The following PCDHGA6 variants were observed in gnomAD, a reference collection of about 807,000 sequenced individuals.
The protein encoded by PCDHGA6 is protocadherin gamma subfamily A, 6, also known as protocadherin gamma-A6.
In PCDHGA6, 41 loss-of-function variants were observed where a neutral mutation model predicts 60.6. The ratio of observed to expected loss-of-function variants is 0.68; its 90% confidence interval spans 0.53 to 0.88. PCDHGA6 has a LOEUF of 0.88. Among genes scored for constraint, PCDHGA6 ranks in the 40% least tolerant of loss-of-function variants. PCDHGA6 has a pLI of 0.00. For synonymous variants in PCDHGA6, 594 were observed against 524.4 expected, an observed-to-expected ratio of 1.13 and a Z score of -1.81; for missense variants, 1,312 against 1,203.0, an observed-to-expected ratio of 1.09 and a Z score of -1.34.
chr5:141,492,740 C>T (rs1364102818), intron 1 of PCDHGA6, among the ~76,000 whole-genome samples: 1 of 152,238 alleles, frequency 6.6e-6, no homozygotes, highest in African/African-American at 2.4e-5. Context: ...GCCCAGTGGC[C>T]GAGGCGCGGC....
intron 1 of PCDHGA6, among the ~76,000 whole-genome samples, chr5:141,464,715 T>C (rs1013508667): frequency 2.0e-5 from 3 of 152,090 alleles, no homozygotes; most frequent in Admixed American, 2.0e-4. Flanking sequence ...AAATAGTTTT[T>C]CATATGTTTA....
Position 141,410,300 on chromosome 5 carries a change from T to A in PCDHGA6, c.2424+33793T>A, listed in dbSNP as rs1233506038. 4 of 1,614,022 alleles carry A rather than the reference T, an allele frequency of 2.5e-6. No individual in the cohort carries two copies. In the Admixed American group the frequency reaches 6.7e-5, roughly 27 times the overall value. ...CCTGGTGGTGGCCTTGGCCTTAATC[T>A]CAGTGCTCTTCCTCCTCGCCGTGAT... On this transcript the variant is annotated intron_variant, in intron 1 of 3. Coordinates refer to ENST00000517434, the MANE Select transcript of PCDHGA6 (RefSeq NM_018919.3).
In PCDHGA6 at chr5:141,489,068, G is replaced by GGC; in HGVS notation, c.2425-5739_2425-5738insGC. 1 of 291,558 alleles carries GGC rather than the reference G, an allele frequency of 3.4e-6. No individual in the cohort carries two copies. The allele number at this position is 291,558 out of a possible 1,614,324, so 18.1% of individuals were successfully genotyped here. ...CTCAAATTCAGCTCCCCTCCCCCCT[G>GGC]CCCACCCCCGCCACTCGGTGACTAA... On this transcript the variant is annotated intron_variant, in intron 1 of 3. Transcript: ENST00000517434. The surrounding 1 kb of genome is among the most constrained non-coding windows in gnomAD (Gnocchi z 4.5).
intron 1 of PCDHGA6, chr5:141,478,906 C>T: frequency 1.1e-6 from 1 of 906,534 alleles, no homozygotes; most frequent in Non-Finnish European, 1.6e-6. Context: ...GAATAAGCTG[C>T]TGGATACCTC....
At chr5:141,395,277 A>G (rs758440707) in intron 1 of PCDHGA6, 2 of 1,542,838 alleles carry the variant, frequency 1.3e-6, no homozygotes, top group East Asian at 2.3e-5. Flanking sequence ...TTCCAGATGA[A>G]TTTTATTTGG....
In PCDHGA6 at chr5:141,431,775, A is replaced by T; in HGVS notation, c.2424+55268A>T. 6.2e-7 allele frequency: 1 copy of T among 1,614,204 alleles called. No homozygotes were observed. Among genetic ancestry groups the T allele is most frequent in the Non-Finnish European group, 8.5e-7 (1 of 1,180,024 alleles). ...GCCAAAGTCCTGATCACTGTTCTGG[A>T]CGTGAACGACAATGCCCCAGAAGTG... On this transcript the variant is annotated intron_variant, in intron 1 of 3. Transcript: ENST00000517434. This position sits in a 1 kb window ranked among gnomAD's most constrained non-coding sequence, Gnocchi z 4.8.
In PCDHGA6 at chr5:141,491,638, G is replaced by A. The variant is rs2099723160; in HGVS notation, c.2425-3169G>A. The A allele has an allele frequency of 6.2e-7, 1 of 1,613,898 alleles. No individual in the cohort carries two copies. The highest frequency in any genetic ancestry group is 1.3e-5 in the African/African-American group (1 of 75,074). ...ACCCCTCAGCGTTCAGCAGCCCACA[G>A]CTCTGGCGCTGGAGCCTGACGCCAT... On this transcript the variant is annotated intron_variant, in intron 1 of 3. Coordinates refer to ENST00000517434, the MANE Select transcript of PCDHGA6 (RefSeq NM_018919.3). The surrounding 1 kb of genome is among the most constrained non-coding windows in gnomAD (Gnocchi z 6.9).
chr5:141,451,165 A>G (rs2098709571), intron 1 of PCDHGA6, among the ~76,000 whole-genome samples: 1 of 152,116 alleles, frequency 6.6e-6, no homozygotes, highest in Admixed American at 6.6e-5. Context: ...TTTTGGTAGT[A>G]TATTATTTAG....
chr5:141,420,337 A>G, intron 1 of PCDHGA6: 8 of 1,402,708 alleles, frequency 5.7e-6, no homozygotes, highest in Non-Finnish European at 7.6e-6. Flanking sequence ...ATTCCAATAT[A>G]GTGGTATTAT....
chr5:141,497,211 G>T (rs914346878), intron 2 of PCDHGA6, among the ~76,000 whole-genome samples: 12 of 28,538 alleles, frequency 4.2e-4, no homozygotes, highest in African/African-American at 1.1e-3. Context: ...GAGTGTAATG[G>T]GGGGGGGAAG....
intron 1 of PCDHGA6, chr5:141,433,041 C>G (rs1171788078): frequency 6.2e-7 from 1 of 1,614,036 alleles, no homozygotes; most frequent in Non-Finnish European, 8.5e-7. Flanking sequence ...TCCCTCACCA[C>G]GGACTCGCGG....
rs2099706000 is a variant in PCDHGA6 at position 141,490,911 on chromosome 5, G to A, written c.2425-3896G>A. 1 of 1,613,722 alleles carries A rather than the reference G, an allele frequency of 6.2e-7. No individual in the cohort carries two copies. Among genetic ancestry groups the A allele is most frequent in the Non-Finnish European group, 8.5e-7 (1 of 1,179,746 alleles). Reference sequence around the variant, plus strand: ...CTCTGCATGTGTTTGTCCTAGACGAGAATGATAATGCCCCAGCTGTGCTGC... The same window carrying A: ...CTCTGCATGTGTTTGTCCTAGACGAAAATGATAATGCCCCAGCTGTGCTGC... On this transcript the variant is annotated intron_variant, in intron 1 of 3. Coordinates refer to ENST00000517434, the MANE Select transcript of PCDHGA6 (RefSeq NM_018919.3). This position sits in a 1 kb window ranked among gnomAD's most constrained non-coding sequence, Gnocchi z 5.4.
At chr5:141,420,064 C>T (rs1204112062) in intron 1 of PCDHGA6, 1 of 1,614,052 alleles carries the variant, frequency 6.2e-7, no homozygotes, top group Non-Finnish European at 8.5e-7. Context: ...GCTCCAAGTC[C>T]GGACCTGTGG....
intron 1 of PCDHGA6, chr5:141,385,702 C>A: frequency 3.6e-6 from 1 of 278,020 alleles, no homozygotes; most frequent in Non-Finnish European, 5.7e-6. Context: ...TTCTCTTTAG[C>A]ATTCAAATAT....
intron 2 of PCDHGA6, among the ~76,000 whole-genome samples, chr5:141,501,159 C>G (rs1475164887): frequency 6.6e-6 from 1 of 152,096 alleles, no homozygotes; most frequent in East Asian, 1.9e-4. Context: ...GAGCCACCAT[C>G]CCCAGCCTCA....
chr5:141,403,613 C>T lies in PCDHGA6; in HGVS notation c.2424+27106C>T, dbSNP rs769394271. On this transcript the variant is annotated intron_variant, in intron 1 of 3. Transcript: ENST00000517434. ...CACGGCCTCGGATGGCGGCGAGCCG[C>T]GTCGCTCCAGCACAGTGCGCATCCA... The T allele has an allele frequency of 3.5e-5, 56 of 1,613,778 alleles. No homozygotes were observed. Among genetic ancestry groups the T allele is most frequent in the Non-Finnish European group, 4.7e-5 (55 of 1,179,908 alleles).
intron 1 of PCDHGA6, chr5:141,398,690 G>A (rs1258068362): frequency 1.9e-6 from 3 of 1,613,914 alleles, no homozygotes; most frequent in African/African-American, 1.3e-5. Flanking sequence ...AAACAGGATG[G>A]TAGTAAATAC....
intron 1 of PCDHGA6, chr5:141,428,370 C>A: frequency 1.8e-6 from 1 of 540,734 alleles, no homozygotes; most frequent in Non-Finnish European, 3.4e-6. Flanking sequence ...TCGCCTTGCA[C>A]CTGCGATGCT....
At chr5:141,398,866 T>TAC (rs775997367) in intron 1 of PCDHGA6, 28 of 1,613,844 alleles carry the variant, frequency 1.7e-5, no homozygotes, top group Non-Finnish European at 8.5e-7. Flanking sequence ...CCGAGACGTG[T>TAC]ACAGAGTCAG....
Sources: allele counts gnomAD v4.1 joint callset (sites outside exome capture counted in the v4.1 genomes callset), GRCh38; gene constraint gnomAD v4.1.1; non-coding constraint Gnocchi (gnomAD v3.1); transcripts MANE v1.5; gene names NCBI Gene and HGNC (gene_info 2026-07-23, HGNC 2026-07-21).